FSTL4: variants seen among roughly 807,000 people sequenced by gnomAD.
FSTL4 encodes follistatin like 4.
Under a neutral mutation model 78.2 loss-of-function variants are expected in FSTL4, and 28 were observed. The ratio of observed to expected loss-of-function variants is 0.36; its 90% CI spans 0.27 to 0.49. The LOEUF is 0.49. FSTL4 is among the 20% of genes least tolerant of loss of function. The probability of loss-of-function intolerance (pLI) is 0.98; values close to 1 mark genes in which losing one functional copy is unlikely to be tolerated. For missense variants in FSTL4, 922 were observed against 1,084.9 expected (o/e 0.85, Z 2.11); for synonymous variants, 422 against 440.5 (o/e 0.96, Z 0.53).
chr5:133,397,789 T>C (rs1756107130), intron 4 of FSTL4, among the ~76,000 whole-genome samples: 1 of 152,210 alleles, frequency 6.6e-6, no homozygotes, highest in Admixed American at 6.5e-5. Context: ...TGGGGACAGA[T>C]AAAGTCCCAG....
chr5:133,226,649 T>C (rs543007765), intron 8 of FSTL4, among the ~76,000 whole-genome samples: 11 of 152,224 alleles, frequency 7.2e-5, no homozygotes, highest in Non-Finnish European at 1.5e-4. Flanking sequence ...CAAAAAAGAT[T>C]TGTGAGATGT....
chr5:133,395,941 C>G (rs914367363), intron 4 of FSTL4, among the ~76,000 whole-genome samples: 1 of 152,182 alleles, frequency 6.6e-6, no homozygotes, highest in African/African-American at 2.4e-5. Flanking sequence ...TGATTCTCCC[C>G]TTGCTTTTCT....
In FSTL4 at chr5:133,273,966, T is replaced by A. The variant is rs1052390036; in HGVS notation, c.728-24390A>T. Among the ~76,000 whole-genome samples, 3 of 152,190 alleles carry A rather than the reference T, an allele frequency of 2.0e-5. No individual in the cohort carries two copies. In the East Asian group the frequency reaches 5.8e-4, roughly 29 times the overall value. On this transcript the variant is annotated intron_variant, in intron 6 of 15. Coordinates refer to ENST00000265342, the MANE Select transcript of FSTL4 (RefSeq NM_015082.2). Reference sequence around the variant, plus strand: ...CAGAGAGTCAGCTTGGTCCTTAGCCTGCTGCATCCCACAAGGAAAGATTTA... The same window carrying A: ...CAGAGAGTCAGCTTGGTCCTTAGCCAGCTGCATCCCACAAGGAAAGATTTA...
the FSTL4 span, among the ~76,000 whole-genome samples, chr5:133,784,826 T>G: frequency 2.0e-5 from 3 of 152,214 alleles, no homozygotes; most frequent in African/African-American, 7.2e-5. Flanking sequence ...TCCTGTGTGT[T>G]TCTATGAGTG....
intron 3 of FSTL4, among the ~76,000 whole-genome samples, chr5:133,509,662 CAG>C (rs1669540741): frequency 6.6e-6 from 1 of 152,258 alleles, no homozygotes; most frequent in Non-Finnish European, 1.5e-5. Context: ...TTCATAACAA[CAG>C]AGTCCTTCAG....
rs139574157 is a variant in FSTL4 at position 133,400,452 on chromosome 5, G to A, written c.409+286C>T. Among the ~76,000 whole-genome samples the A allele has an allele frequency of 1.6e-4, 25 of 152,304 alleles. No individual in the cohort carries two copies. In the East Asian group the frequency reaches 4.8e-3, roughly 29 times the overall value. On this transcript the variant is annotated intron_variant, in intron 4 of 15. Coordinates refer to ENST00000265342, the MANE Select transcript of FSTL4 (RefSeq NM_015082.2). ...CGTCCTATGTGGAGACCTGGGTAGT[G>A]CCCTGTTGCCTGGTCCCTAGTGAAC...
chr5:133,619,338 T>C, the FSTL4 span, among the ~76,000 whole-genome samples: 1 of 152,200 alleles, frequency 6.6e-6, no homozygotes, highest in Non-Finnish European at 1.5e-5. Context: ...TAACCCATTC[T>C]AAAGCTGTCC....
At chr5:133,444,999 G>A (rs1053940524) in intron 3 of FSTL4, among the ~76,000 whole-genome samples, 1 of 152,200 alleles carries the variant, frequency 6.6e-6, no homozygotes, top group Non-Finnish European at 1.5e-5. Context: ...CAGCCTCCAA[G>A]CTGGGCGCAG....
the FSTL4 span, among the ~76,000 whole-genome samples, chr5:133,637,232 T>C: frequency 6.6e-6 from 1 of 152,102 alleles, no homozygotes; most frequent in South Asian, 2.1e-4. Context: ...GTCTTGTGCT[T>C]GCCCTTTCTT....
the FSTL4 span, among the ~76,000 whole-genome samples, chr5:133,836,792 C>T: frequency 3.0e-3 from 450 of 152,238 alleles, 3 homozygotes; most frequent in African/African-American, 9.7e-3. Context: ...TTCAAGCTTC[C>T]GCTGTTCCTT....
chr5:133,675,112 G>A, the FSTL4 span, among the ~76,000 whole-genome samples: 5 of 152,050 alleles, frequency 3.3e-5, no homozygotes, highest in South Asian at 4.2e-4. Context: ...GGGGGTCCAC[G>A]GGGGCTCATG....
At chr5:133,277,022 G>C (rs1315579209) in intron 6 of FSTL4, among the ~76,000 whole-genome samples, 1 of 152,162 alleles carries the variant, frequency 6.6e-6, no homozygotes, top group East Asian at 1.9e-4. Context: ...TAGAAAGACA[G>C]GGTAATAGGC....
intron 2 of FSTL4, among the ~76,000 whole-genome samples, chr5:133,576,526 G>T (rs774786938): frequency 2.0e-5 from 3 of 152,190 alleles, no homozygotes; most frequent in Non-Finnish European, 4.4e-5. Context: ...ATGGAGTGGA[G>T]CTCAACGTGG....
chr5:133,343,326 G>A (rs1754626317), intron 4 of FSTL4, among the ~76,000 whole-genome samples: 1 of 152,182 alleles, frequency 6.6e-6, no homozygotes, highest in Non-Finnish European at 1.5e-5. Flanking sequence ...GACATACCTT[G>A]GCTGGGCTGG....
At chr5:133,661,465 G>T in the FSTL4 span, among the ~76,000 whole-genome samples, 60 of 152,246 alleles carry the variant, frequency 3.9e-4, 1 homozygote, top group Middle Eastern at 3.4e-3. Context: ...CTTAATAAAA[G>T]CTCAAAAAGG....
chr5:133,604,577 C>T (rs1760936562), intron 1 of FSTL4, among the ~76,000 whole-genome samples: 1 of 152,102 alleles, frequency 6.6e-6, no homozygotes, highest in Non-Finnish European at 1.5e-5. Flanking sequence ...GGCGTGGTAG[C>T]AGGCACCTGT....
At chr5:133,395,907 T>C (rs181966971) in intron 4 of FSTL4, among the ~76,000 whole-genome samples, 1 of 152,270 alleles carries the variant, frequency 6.6e-6, no homozygotes, top group East Asian at 1.9e-4. Context: ...AGGAGCTTTG[T>C]CCAGACTGGG....
At chr5:133,362,604 C>A (rs1399807037) in intron 4 of FSTL4, among the ~76,000 whole-genome samples, 3 of 152,252 alleles carry the variant, frequency 2.0e-5, no homozygotes, top group Non-Finnish European at 4.4e-5. Context: ...TCTGATAGGT[C>A]TGGGGGCTGA....
At chr5:133,605,996 A>G (rs937450046) in intron 1 of FSTL4, among the ~76,000 whole-genome samples, 5 of 152,074 alleles carry the variant, frequency 3.3e-5, no homozygotes, top group African/African-American at 7.2e-5. Context: ...CTGCCCCCCA[A>G]TGGCTTCTGC....
Sources: gnomAD v4.1 joint callset for allele counts (sites outside exome capture counted in the v4.1 genomes callset) on GRCh38, gnomAD v4.1.1 for gene constraint, MANE v1.5 for transcripts, NCBI Gene and HGNC (gene_info 2026-07-23, HGNC 2026-07-21) for gene names.